GRIN2A: variants seen among roughly 807,000 people sequenced by gnomAD.
The protein encoded by GRIN2A is glutamate ionotropic receptor NMDA type subunit 2A.
GRIN2A carries 22 observed loss-of-function variants against 113.4 expected under a neutral mutation model. The ratio of observed to expected loss-of-function variants is 0.19; its 90% CI spans 0.14 to 0.28. GRIN2A has a LOEUF of 0.28. GRIN2A is among the 10% of genes least tolerant of loss of function. The pLI, the probability that GRIN2A is intolerant of heterozygous loss-of-function variation, is 1.00. For synonymous variants in GRIN2A, 827 were observed against 738.4 expected (o/e 1.12, Z -1.94); for missense variants, 1,502 against 1,887.0 (o/e 0.80, Z 3.78).
chr16:10,077,431 T>C (rs1173310660), intron 2 of GRIN2A, among the ~76,000 whole-genome samples: 2 of 152,114 alleles, frequency 1.3e-5, no homozygotes. Context: ...TCTGCACAAA[T>C]CCATCAGTAA....
intron 2 of GRIN2A, among the ~76,000 whole-genome samples, chr16:10,040,101 C>T (rs2047130794): frequency 2.6e-5 from 2 of 78,204 alleles, no homozygotes; most frequent in African/African-American, 1.0e-4. Context: ...AAATACACTA[C>T]ACACATCCAC....
chr16:9,792,663 A>ATTTAGT lies in GRIN2A; in HGVS notation c.2356+5613_2356+5614insACTAAA, dbSNP rs1555487379. 4.0e-4 allele frequency among the ~76,000 whole-genome samples: 61 copies of ATTTAGT among 152,296 alleles called. 1 individual carries two copies. Among genetic ancestry groups the ATTTAGT allele is most frequent in the African/African-American group, 1.4e-3 (57 of 41,530 alleles). On this transcript the variant is annotated intron_variant, in intron 11 of 12. Coordinates refer to ENST00000330684, the MANE Select transcript of GRIN2A (RefSeq NM_001134407.3). ...TTTAACATACATGATAAATATATACATTTAATTTTATGTGTTAAATGACCT... is the reference window on the plus strand; with the variant it reads ...TTTAACATACATGATAAATATATACATTTAGTTTTAATTTTATGTGTTAAATGACCT...
At chr16:9,938,662 G>A (rs2044778601) in intron 2 of GRIN2A, 111 bp from the exon 3 acceptor site, 1 of 761,662 alleles carries the variant, frequency 1.3e-6, no homozygotes, top group Admixed American at 2.0e-5. Context: ...ATCATTTGCA[G>A]ACATTCCTGA....
chr16:10,015,272 G>GAAAAAAAAAAAAAAA (rs1189929832), intron 2 of GRIN2A, among the ~76,000 whole-genome samples: 1 of 76,058 alleles, frequency 1.3e-5, no homozygotes, highest in Non-Finnish European at 2.4e-5. Context: ...AAAAAAAAAA[G>GAAAAAAAAAAAAAAA]AAAAAAAAAA....
chr16:9,959,131 G>C (rs2045373901), intron 2 of GRIN2A, among the ~76,000 whole-genome samples: 1 of 152,056 alleles, frequency 6.6e-6, no homozygotes, highest in Non-Finnish European at 1.5e-5. Flanking sequence ...TCAAATATTT[G>C]GTTTTCAGTG....
chr16:9,897,728 A>T (rs1402547662), intron 3 of GRIN2A, among the ~76,000 whole-genome samples: 1 of 152,202 alleles, frequency 6.6e-6, no homozygotes, highest in African/African-American at 2.4e-5. Context: ...GGCTACCAGA[A>T]AATTTAAGTT....
At chr16:10,015,300 G>GAAAAAAAAAAAAA (rs2046589963) in intron 2 of GRIN2A, among the ~76,000 whole-genome samples, 1 of 92,066 alleles carries the variant, frequency 1.1e-5, no homozygotes, top group African/African-American at 4.9e-5. Flanking sequence ...GAAAGGAAAG[G>GAAAAAAAAAAAAA]AAAAGAAAAA....
intron 2 of GRIN2A, among the ~76,000 whole-genome samples, chr16:9,949,416 T>A (rs950677011): frequency 1.3e-5 from 2 of 148,540 alleles, no homozygotes; most frequent in Non-Finnish European, 3.0e-5. Flanking sequence ...GACAAATGGA[T>A]GGACAGGTGG....
At chr16:10,148,769 C>G (rs1332582735) in intron 2 of GRIN2A, among the ~76,000 whole-genome samples, 1 of 152,330 alleles carries the variant, frequency 6.6e-6, no homozygotes, top group African/African-American at 2.4e-5. Flanking sequence ...GATATCTGCA[C>G]TCCTATGTTT....
At chr16:9,999,614 T>C (rs547110330) in intron 2 of GRIN2A, among the ~76,000 whole-genome samples, 2 of 151,968 alleles carry the variant, frequency 1.3e-5, no homozygotes, top group Non-Finnish European at 2.9e-5. Flanking sequence ...AGGGGAGGGA[T>C]AGCATTAGGA....
intron 11 of GRIN2A, among the ~76,000 whole-genome samples, chr16:9,775,368 T>G (rs1901532503): frequency 6.6e-6 from 1 of 152,360 alleles, no homozygotes; most frequent in South Asian, 2.1e-4. Context: ...ATTTGTTTTT[T>G]TTCTTTACTC....
chr16:10,124,210 T>C (rs570885176), intron 2 of GRIN2A, among the ~76,000 whole-genome samples: 7 of 152,074 alleles, frequency 4.6e-5, no homozygotes, highest in Non-Finnish European at 1.0e-4. Context: ...TAGGCCACGA[T>C]GTATAGGGAA....
chr16:10,168,235 A>G (rs1338953979), intron 2 of GRIN2A, among the ~76,000 whole-genome samples: 6 of 152,214 alleles, frequency 3.9e-5, no homozygotes, highest in Non-Finnish European at 8.8e-5. Context: ...ATATATACAT[A>G]GGTTGTCTGC....
At chr16:9,870,074 G>A (rs750995076) in intron 4 of GRIN2A, among the ~76,000 whole-genome samples, 1 of 152,112 alleles carries the variant, frequency 6.6e-6, no homozygotes. Flanking sequence ...TTTCACTTAC[G>A]GCTCTCTATT....
intron 2 of GRIN2A, among the ~76,000 whole-genome samples, chr16:10,039,780 G>A (rs988904519): frequency 2.2e-5 from 2 of 91,544 alleles, no homozygotes; most frequent in African/African-American, 8.1e-5. Context: ...GAGAGGGAGG[G>A]GGAGGGGGAG....
chr16:9,885,636 A>G (rs2043572726), intron 4 of GRIN2A, among the ~76,000 whole-genome samples: 1 of 152,186 alleles, frequency 6.6e-6, no homozygotes, highest in African/African-American at 2.4e-5. Flanking sequence ...TCGGAGATGA[A>G]AAGAAATCGC....
intron 2 of GRIN2A, among the ~76,000 whole-genome samples, chr16:10,041,836 C>T (rs549080987): frequency 1.7e-4 from 26 of 152,310 alleles, no homozygotes; most frequent in Non-Finnish European, 3.2e-4. Flanking sequence ...GAAGTCTTTC[C>T]ATGAATATGC....
intron 2 of GRIN2A, among the ~76,000 whole-genome samples, chr16:9,979,043 G>A (rs1020327870): frequency 3.4e-4 from 51 of 152,092 alleles, no homozygotes; most frequent in African/African-American, 6.8e-4. Flanking sequence ...CTTACAATGC[G>A]GGTCCCTCAC....
intron 2 of GRIN2A, among the ~76,000 whole-genome samples, chr16:10,134,939 C>CA (rs58015055): frequency 0.018 from 2,699 of 151,998 alleles, 87 homozygotes; most frequent in African/African-American, 0.062. Flanking sequence ...AACGAACTAG[C>CA]AAAAAAAAAC....
Sources: allele counts gnomAD v4.1 joint callset (sites outside exome capture counted in the v4.1 genomes callset), GRCh38; gene constraint gnomAD v4.1.1; transcripts MANE v1.5; gene names NCBI Gene and HGNC (gene_info 2026-07-23, HGNC 2026-07-21).